SEL1L3: variants seen among roughly 807,000 people sequenced by gnomAD.
SEL1L3 encodes SEL1L family member 3, also known as protein sel-1 homolog 3.
Under a neutral mutation model 142.8 loss-of-function variants are expected in SEL1L3, and 76 were observed. The observed-to-expected ratio is 0.53, with a 90% CI of 0.44 to 0.64. The LOEUF (loss-of-function observed/expected upper bound fraction) is 0.64, where lower values mean the gene tolerates loss of function less well. SEL1L3 is among the 30% of genes least tolerant of loss of function. The pLI, the probability that SEL1L3 is intolerant of heterozygous loss-of-function variation, is 0.00. For synonymous variants in SEL1L3, 504 were observed against 519.6 expected (o/e 0.97, Z 0.41); for missense variants, 1,262 against 1,381.7 (o/e 0.91, Z 1.37).
intron 9 of SEL1L3, among the ~76,000 whole-genome samples, chr4:25,816,477 G>A (rs1310820919): frequency 6.6e-6 from 1 of 152,094 alleles, no homozygotes; most frequent in Non-Finnish European, 1.5e-5. Context: ...GTCCCTCAGA[G>A]CCCATCTCTA....
chr4:25,734,579 C>CT, the SEL1L3 span, among the ~76,000 whole-genome samples: 242 of 150,666 alleles, frequency 1.6e-3, no homozygotes, highest in African/African-American at 3.9e-3. Flanking sequence ...TTTGTATCTT[C>CT]TTTTTTTTTG....
chr4:25,817,282 G>A (rs1170873606), intron 9 of SEL1L3, among the ~76,000 whole-genome samples: 2 of 152,162 alleles, frequency 1.3e-5, no homozygotes, highest in East Asian at 1.9e-4. Context: ...TTTCTGCATC[G>A]CCTCAACTCA....
chr4:25,729,726 A>AAAAAC, the SEL1L3 span, among the ~76,000 whole-genome samples: 14,418 of 152,050 alleles, frequency 0.095, 813 homozygotes, highest in Middle Eastern at 0.16. Context: ...AAACAAAAAC[A>AAAAAC]AAACAAAACA....
Position 25,788,227 on chromosome 4 carries a change from G to A in SEL1L3, c.2214C>T (p.Phe738=). The part of the protein sequence containing the change: ...ALIYDYAIVL[F]KGQGVKKNRR... ...GCACGAATTAAGTGATTCTTACCTT[G>A]AATAGCACAATGGCATAGTCATAGA... The change falls in exon 13 of 24, where the codon TTC becomes TTT. Residue 738 remains phenylalanine (F), a synonymous_variant. Transcript: ENST00000399878. The surrounding 1 kb of genome is among the most constrained non-coding windows in gnomAD (Gnocchi z 5.3). The A allele has an allele frequency of 6.2e-7, 1 of 1,613,502 alleles. No individual in the cohort carries two copies. The highest frequency in any genetic ancestry group is 8.5e-7 in the Non-Finnish European group (1 of 1,179,822).
At chr4:25,780,838 A>T (rs1032438411) in intron 15 of SEL1L3, among the ~76,000 whole-genome samples, 3 of 130,894 alleles carry the variant, frequency 2.3e-5, no homozygotes, top group East Asian at 4.4e-4. Context: ...ATATATATAT[A>T]TTTTTGAGAT....
At chr4:25,740,630 G>A in the SEL1L3 span, among the ~76,000 whole-genome samples, 8 of 152,060 alleles carry the variant, frequency 5.3e-5, no homozygotes, top group African/African-American at 1.9e-4. Context: ...AGTTTGGGAA[G>A]CTCATACTTG....
At chr4:25,805,250 A>T (rs1713477559) in intron 9 of SEL1L3, among the ~76,000 whole-genome samples, 1 of 152,248 alleles carries the variant, frequency 6.6e-6, no homozygotes, top group Non-Finnish European at 1.5e-5. Context: ...GAATGAGTCA[A>T]CTTTTATTGA....
chr4:25,764,925 T>C (rs1449640826), intron 20 of SEL1L3, among the ~76,000 whole-genome samples: 2 of 152,220 alleles, frequency 1.3e-5, no homozygotes, highest in African/African-American at 2.4e-5. Flanking sequence ...GTAAACTGTG[T>C]AGTGTATACA....
the SEL1L3 span, among the ~76,000 whole-genome samples, chr4:25,721,341 G>A: frequency 6.6e-6 from 1 of 151,950 alleles, no homozygotes; most frequent in African/African-American, 2.4e-5. Flanking sequence ...AAATAATGAA[G>A]AGCTGTCAAA....
intron 1 of SEL1L3, among the ~76,000 whole-genome samples, chr4:25,852,124 A>C (rs1472255228): frequency 6.6e-6 from 1 of 152,166 alleles, no homozygotes; most frequent in African/African-American, 2.4e-5. Context: ...TATAAAAATC[A>C]TCTCATAATT....
At chr4:25,791,827 C>T (rs1181592933) in intron 11 of SEL1L3, among the ~76,000 whole-genome samples, 3 of 151,838 alleles carry the variant, frequency 2.0e-5, no homozygotes, top group Admixed American at 1.3e-4. Flanking sequence ...GCACGAGAAT[C>T]GCTTGAACCT....
intron 6 of SEL1L3, among the ~76,000 whole-genome samples, chr4:25,828,632 C>T (rs1715244921): frequency 6.6e-6 from 1 of 151,998 alleles, no homozygotes; most frequent in Admixed American, 6.6e-5. Flanking sequence ...GTGATTCACC[C>T]ACCTTGGCTC....
At chr4:25,837,839 G>C (rs1399075028) in intron 2 of SEL1L3, among the ~76,000 whole-genome samples, 2 of 152,134 alleles carry the variant, frequency 1.3e-5, no homozygotes, top group East Asian at 1.9e-4. Flanking sequence ...TTATGGCTGA[G>C]TGCAATGCTA....
At chr4:25,825,287 A>G (rs1237860778) in intron 6 of SEL1L3, among the ~76,000 whole-genome samples, 2 of 152,160 alleles carry the variant, frequency 1.3e-5, no homozygotes. Flanking sequence ...CTCCCGCAAA[A>G]TTCTCAGTGT....
chr4:25,721,548 G>T, the SEL1L3 span, among the ~76,000 whole-genome samples: 15 of 152,152 alleles, frequency 9.9e-5, no homozygotes, highest in Admixed American at 3.9e-4. Flanking sequence ...AATGCTGGGG[G>T]TGTCTCAGAA....
Position 25,797,444 on chromosome 4 carries a change from T to C in SEL1L3, c.1956+4839A>G, listed in dbSNP as rs532129382. On this transcript the variant is annotated intron_variant, in intron 11 of 23. Coordinates refer to ENST00000399878, the MANE Select transcript of SEL1L3 (RefSeq NM_015187.5). ...GTTAGGCTCCCAGTAGGAGTGCGTG[T>C]GTTTTCTTTGTAGAAATTTAACACT... Among the ~76,000 whole-genome samples the C allele has an allele frequency of 2.0e-5, 3 of 152,304 alleles. No homozygotes were observed. In the East Asian group the frequency reaches 5.8e-4, roughly 29 times the overall value.
At chr4:25,718,717 A>G in the SEL1L3 span, 2 of 152,122 alleles carry the variant, frequency 1.3e-5, no homozygotes, top group African/African-American at 4.8e-5. Context: ...TCATACCGTA[A>G]CTGCCTAGCT....
Position 25,757,456 on chromosome 4 carries a change from CCAAAA to C in SEL1L3, c.3259+73_3259+77del, listed in dbSNP as rs1442110879. On this transcript the variant is annotated intron_variant, in intron 23 of 23. Coordinates refer to ENST00000399878, the MANE Select transcript of SEL1L3 (RefSeq NM_015187.5). ...GGGAAAACACAATTTTTCCAGTAGA[CCAAAA>C]AAAAAAAAAAAAAAAAAAATCCCTG... 1,802 of 523,890 alleles carry C rather than the reference CCAAAA, an allele frequency of 3.4e-3. 2 individuals are homozygous for C. The highest frequency in any genetic ancestry group is 7.2e-3 in the East Asian group (132 of 18,310). 32.5% of individuals were successfully genotyped at this position (523,890 alleles called of 1,614,324 possible).
At chr4:25,758,902 T>C in intron 21 of SEL1L3, 39 bp downstream of exon 21, 2 of 1,573,370 alleles carry the variant, frequency 1.3e-6, no homozygotes, top group African/African-American at 1.4e-5. Context: ...TCTACTTGGG[T>C]TCCCTCAGAT....
Sources: allele counts gnomAD v4.1 joint callset (sites outside exome capture counted in the v4.1 genomes callset), GRCh38; gene constraint gnomAD v4.1.1; non-coding constraint Gnocchi (gnomAD v3.1); transcripts MANE v1.5; gene names NCBI Gene and HGNC (gene_info 2026-07-23, HGNC 2026-07-21).